The following FAM117B variants were observed in gnomAD, a reference collection of about 807,000 sequenced individuals.
FAM117B encodes the protein family with sequence similarity 117 member B, also known as protein FAM117B.
Under a neutral mutation model 52.8 loss-of-function variants are expected in FAM117B, and 22 were observed. The observed-to-expected ratio is 0.42, with a 90% CI of 0.30 to 0.59. The LOEUF is 0.59. Among genes scored for constraint, FAM117B ranks in the 20% least tolerant of loss-of-function variants. FAM117B has a pLI of 0.22. For missense variants in FAM117B, 678 were observed against 802.6 expected, an observed-to-expected ratio of 0.84 and a Z score of 1.88; for synonymous variants, 309 against 324.1, an observed-to-expected ratio of 0.95 and a Z score of 0.50.
chr2:202,675,908 C>T (rs1217708718), intron 1 of FAM117B, among the ~76,000 whole-genome samples: 1 of 148,584 alleles, frequency 6.7e-6, no homozygotes, highest in East Asian at 2.0e-4. Flanking sequence ...TTGCTTGAAC[C>T]TGGGAGGCAG....
rs1409144918 is a variant in FAM117B, at chr2:202,640,757, A to C, written c.601+4969A>C. On this transcript the variant is annotated intron_variant, in intron 1 of 7. Transcript: ENST00000392238. Reference sequence around the variant, plus strand: ...CCCGAGTAGCTGGGACTACAGGTACATGCCACTATGCCCAGCTAATTTTCT... The same window carrying C: ...CCCGAGTAGCTGGGACTACAGGTACCTGCCACTATGCCCAGCTAATTTTCT... Among the ~76,000 whole-genome samples, 9 of 151,942 alleles carry C rather than the reference A, an allele frequency of 5.9e-5. No homozygotes were observed. The South Asian group carries it at 1.9e-3, about 32-fold the overall frequency.
At chr2:202,761,193 G>A (rs779846470) in intron 7 of FAM117B, among the ~76,000 whole-genome samples, 2 of 152,200 alleles carry the variant, frequency 1.3e-5, no homozygotes, top group Non-Finnish European at 2.9e-5. Flanking sequence ...CACTGCATCC[G>A]GCCTGAGTTG....
intron 1 of FAM117B, among the ~76,000 whole-genome samples, chr2:202,655,707 TGAGAGAGAGAGAGAGAGA>T (rs60423652): frequency 0.049 from 4,860 of 98,970 alleles, 352 homozygotes; most frequent in African/African-American, 0.15. Flanking sequence ...GGGAAGAGAG[TGAGAGAGAGAGAGAGAGA>T]GAGAGAGAGA....
chr2:202,661,919 T>TA (rs201631446), intron 1 of FAM117B, among the ~76,000 whole-genome samples: 9,883 of 88,560 alleles, frequency 0.11, 1,211 homozygotes, highest in African/African-American at 0.32. Context: ...AGATTCCATC[T>TA]AAAAAAAAAA....
intron 1 of FAM117B, among the ~76,000 whole-genome samples, chr2:202,642,035 C>CAGGT (rs1264274472): frequency 6.0e-4 from 89 of 147,572 alleles, no homozygotes; most frequent in African/African-American, 2.1e-3. Flanking sequence ...CTCCGCCTCC[C>CAGGT]AGGTTCAAGC....
At chr2:202,658,909 TA>T (rs746900066) in intron 1 of FAM117B, among the ~76,000 whole-genome samples, 5 of 152,176 alleles carry the variant, frequency 3.3e-5, no homozygotes, top group African/African-American at 9.7e-5. Context: ...TTTTGTCAAA[TA>T]TTTTTTTTCT....
At chr2:202,678,596 G>A (rs1690413702) in intron 1 of FAM117B, among the ~76,000 whole-genome samples, 2 of 152,114 alleles carry the variant, frequency 1.3e-5, no homozygotes, top group South Asian at 4.1e-4. Flanking sequence ...TTTCACTCTT[G>A]TTGCCCAGGC....
intron 1 of FAM117B, among the ~76,000 whole-genome samples, chr2:202,679,394 A>G (rs1042761244): frequency 6.6e-6 from 1 of 152,220 alleles, no homozygotes; most frequent in African/African-American, 2.4e-5. Context: ...GTTTCAGAGA[A>G]GAGGGAACTG....
intron 2 of FAM117B, among the ~76,000 whole-genome samples, chr2:202,702,485 G>T (rs1448577283): frequency 6.6e-6 from 1 of 152,194 alleles, no homozygotes; most frequent in African/African-American, 2.4e-5. Context: ...TGATCAGTCA[G>T]CAGCCGTTAA....
intron 4 of FAM117B, among the ~76,000 whole-genome samples, chr2:202,744,644 A>G (rs773396193): frequency 1.7e-4 from 26 of 152,172 alleles, no homozygotes; most frequent in Non-Finnish European, 3.4e-4. Context: ...CTGCTAGCCA[A>G]AAATATTTTA....
chr2:202,645,414 C>T (rs1052042290), intron 1 of FAM117B, among the ~76,000 whole-genome samples: 1 of 151,188 alleles, frequency 6.6e-6, no homozygotes, highest in Non-Finnish European at 1.5e-5. Context: ...CTCAGCCTCC[C>T]GAGTAGCTGG....
chr2:202,678,671 C>T (rs538316275), intron 1 of FAM117B, among the ~76,000 whole-genome samples: 5 of 152,216 alleles, frequency 3.3e-5, no homozygotes, highest in Admixed American at 6.5e-5. Flanking sequence ...ACAATTCTGC[C>T]TCAGCCTCCA....
At chr2:202,727,824 C>T (rs1359730572) in intron 4 of FAM117B, among the ~76,000 whole-genome samples, 2 of 152,082 alleles carry the variant, frequency 1.3e-5, no homozygotes, top group Non-Finnish European at 1.5e-5. Context: ...ATAAGGCAGG[C>T]CAACCCCTTT....
At chr2:202,698,619 C>T (rs1359363350) in intron 2 of FAM117B, among the ~76,000 whole-genome samples, 1 of 152,052 alleles carries the variant, frequency 6.6e-6, no homozygotes, top group Non-Finnish European at 1.5e-5. Context: ...GATGGAGTTT[C>T]ACCATATTGG....
intron 4 of FAM117B, among the ~76,000 whole-genome samples, chr2:202,726,821 A>T (rs1027449170): frequency 2.6e-5 from 4 of 152,156 alleles, no homozygotes; most frequent in Non-Finnish European, 5.9e-5. Flanking sequence ...GCATTAGAAG[A>T]AATACCTAAT....
chr2:202,712,911 T>A (rs1311064132), intron 2 of FAM117B, among the ~76,000 whole-genome samples: 1 of 152,220 alleles, frequency 6.6e-6, no homozygotes, highest in Non-Finnish European at 1.5e-5. Flanking sequence ...TAATAAATGA[T>A]CTTTTTAATG....
At position 202,766,061 on chromosome 2, in the gene FAM117B, A is replaced by AACACACAC. The variant is rs34556556; in HGVS notation, c.*336_*343dup. The AACACACAC allele has an allele frequency of 0.012, 2,538 of 203,048 alleles. 27 individuals carry two copies. The highest frequency in any genetic ancestry group is 0.018 in the East Asian group (124 of 6,970). The allele number at this position is 203,048 out of a possible 1,614,324, so 12.6% of individuals were successfully genotyped here. ...TTGTTTTCGAATTAGACTTCTTTAAAACACACACACACACACACACACACA... is the reference window on the plus strand; with the variant it reads ...TTGTTTTCGAATTAGACTTCTTTAAAACACACACACACACACACACACACACACACACA... On this transcript the variant is annotated 3_prime_UTR_variant, in exon 8 of 8. Transcript: ENST00000392238.
At chr2:202,745,234 T>A (rs1303878225) in intron 4 of FAM117B, among the ~76,000 whole-genome samples, 1 of 151,472 alleles carries the variant, frequency 6.6e-6, no homozygotes, top group African/African-American at 2.4e-5. Flanking sequence ...GAGTGGAGAT[T>A]GTGTCACTGC....
At chr2:202,698,449 G>A (rs1253167918) in intron 2 of FAM117B, among the ~76,000 whole-genome samples, 2 of 151,856 alleles carry the variant, frequency 1.3e-5, no homozygotes, top group African/African-American at 4.8e-5. Flanking sequence ...TTGGAATGGA[G>A]TCTCACTCTG....
Sources: allele counts gnomAD v4.1 joint callset (sites outside exome capture counted in the v4.1 genomes callset), GRCh38; gene constraint gnomAD v4.1.1; transcripts MANE v1.5; gene names NCBI Gene and HGNC (gene_info 2026-07-23, HGNC 2026-07-21).